The following EFNA5 variants were observed in gnomAD, a reference collection of about 807,000 sequenced individuals.
EFNA5 encodes the protein ephrin A5.
Under a neutral mutation model 22.9 loss-of-function variants are expected in EFNA5, and 5 were observed. The observed-to-expected ratio is 0.22, with a 90% confidence interval of 0.11 to 0.46. The LOEUF (loss-of-function observed/expected upper bound fraction) is 0.46, where lower values mean the gene tolerates loss of function less well. Ranked by LOEUF, EFNA5 falls within the 20% of genes least tolerant of loss-of-function variation. EFNA5 has a pLI of 0.99. For missense variants in EFNA5, 237 were observed against 293.3 expected, an observed-to-expected ratio of 0.81 and a Z score of 1.40; for synonymous variants, 113 against 112.2, an observed-to-expected ratio of 1.01 and a Z score of -0.04.
At chr5:107,501,713 G>A (rs189302182) in intron 1 of EFNA5, among the ~76,000 whole-genome samples, 1 of 152,190 alleles carries the variant, frequency 6.6e-6, no homozygotes, top group African/African-American at 2.4e-5. Flanking sequence ...TTTCTGTTGT[G>A]GTATTTTAAG....
intron 1 of EFNA5, among the ~76,000 whole-genome samples, chr5:107,634,947 A>G (rs567832090): frequency 7.2e-4 from 109 of 152,350 alleles, no homozygotes; most frequent in Admixed American, 1.7e-3. Context: ...AAAGAAACGC[A>G]TTTAACTTAC....
chr5:107,527,238 G>C (rs1415772081), intron 1 of EFNA5, among the ~76,000 whole-genome samples: 1 of 151,530 alleles, frequency 6.6e-6, no homozygotes, highest in Non-Finnish European at 1.5e-5. Flanking sequence ...TGTATAAATG[G>C]GTTATTCAGA....
intron 2 of EFNA5, among the ~76,000 whole-genome samples, chr5:107,390,480 C>T (rs1747760684): frequency 6.6e-6 from 1 of 151,912 alleles, no homozygotes; most frequent in African/African-American, 2.4e-5. Context: ...TGTAACATTC[C>T]CACTAATAAA....
chr5:107,557,394 G>A (rs1234106376), intron 1 of EFNA5, among the ~76,000 whole-genome samples: 1 of 151,826 alleles, frequency 6.6e-6, no homozygotes, highest in African/African-American at 2.4e-5. Flanking sequence ...TGGAGGTCAG[G>A]TGGCAGGCAT....
At chr5:107,630,319 G>C (rs1248845447) in intron 1 of EFNA5, among the ~76,000 whole-genome samples, 1 of 152,180 alleles carries the variant, frequency 6.6e-6, no homozygotes, top group Non-Finnish European at 1.5e-5. Flanking sequence ...TACTTACACA[G>C]ACCTAGATTG....
rs377118779 is a variant in EFNA5, at chr5:107,572,011, T to C, written c.125+98478A>G. 3.3e-5 allele frequency among the ~76,000 whole-genome samples: 5 copies of C among 151,962 alleles called. No homozygotes were observed. In the East Asian group the frequency reaches 7.8e-4, roughly 24 times the overall value. ...CCTACTGTTAACAACAAAAAGAAACTGCAAACAGCAGCGTGGACAGACAGT... is the reference window on the plus strand; with the variant it reads ...CCTACTGTTAACAACAAAAAGAAACCGCAAACAGCAGCGTGGACAGACAGT... On this transcript the variant is annotated intron_variant, in intron 1 of 4. Coordinates refer to ENST00000333274, the MANE Select transcript of EFNA5 (RefSeq NM_001962.3).
intron 1 of EFNA5, among the ~76,000 whole-genome samples, chr5:107,557,441 C>A (rs352605): frequency 6.6e-6 from 1 of 151,992 alleles, no homozygotes; most frequent in South Asian, 2.1e-4. Context: ...GCCTCAGGAA[C>A]CACGCAGCCC....
chr5:107,654,765 T>A (rs1750790846), intron 1 of EFNA5, among the ~76,000 whole-genome samples: 1 of 152,090 alleles, frequency 6.6e-6, no homozygotes, highest in Non-Finnish European at 1.5e-5. Flanking sequence ...GAAATAGAGA[T>A]AATTCAACCC....
intron 1 of EFNA5, among the ~76,000 whole-genome samples, chr5:107,594,952 T>A (rs981184942): frequency 9.2e-5 from 14 of 152,192 alleles, no homozygotes; most frequent in African/African-American, 3.4e-4. Flanking sequence ...TGTGCCACTT[T>A]TTTTTATTAC....
chr5:107,575,685 C>A (rs1748913681), intron 1 of EFNA5, among the ~76,000 whole-genome samples: 1 of 152,072 alleles, frequency 6.6e-6, no homozygotes, highest in Non-Finnish European at 1.5e-5. Flanking sequence ...AGCACATAGT[C>A]CTTACCCTTG....
At chr5:107,497,362 C>T (rs1267826479) in intron 1 of EFNA5, among the ~76,000 whole-genome samples, 2 of 152,130 alleles carry the variant, frequency 1.3e-5, no homozygotes, top group African/African-American at 4.8e-5. Context: ...ACTCCTTTTG[C>T]TAACCACATC....
At chr5:107,569,547 GTATATATATATTTATA>G (rs1456851459) in intron 1 of EFNA5, among the ~76,000 whole-genome samples, 4 of 104,422 alleles carry the variant, frequency 3.8e-5, no homozygotes, top group Admixed American at 1.2e-4. Flanking sequence ...ATATATGTGT[GTATATATATATTTATA>G]TATATATATA....
rs1412316462 is a variant in EFNA5, at chr5:107,380,304, A to G, written c.*951T>C. 1.4e-5 allele frequency: 2 copies of G among 141,324 alleles called. No homozygotes were observed. Among genetic ancestry groups the G allele is most frequent in the Admixed American group, 7.9e-5 (1 of 12,604 alleles). 8.8% of individuals were successfully genotyped at this position (141,324 alleles called of 1,614,324 possible). ...AGTATCCAAAGCTATTCCACTATGC[A>G]CTCATCAACCCTGGCTTGTCAGCCT... On this transcript the variant is annotated 3_prime_UTR_variant, in exon 5 of 5. Coordinates refer to ENST00000333274, the MANE Select transcript of EFNA5 (RefSeq NM_001962.3).
chr5:107,560,229 C>T (rs150694594), intron 1 of EFNA5, among the ~76,000 whole-genome samples: 15 of 152,146 alleles, frequency 9.9e-5, no homozygotes, highest in East Asian at 1.9e-4. Flanking sequence ...AGCCAATATA[C>T]GAAGATTTTC....
chr5:107,485,009 AAG>A (rs1247701330), intron 1 of EFNA5, among the ~76,000 whole-genome samples: 2 of 152,056 alleles, frequency 1.3e-5, no homozygotes, highest in Non-Finnish European at 2.9e-5. Context: ...TAAAAAGAAA[AAG>A]AAAAAAAGGT....
intron 1 of EFNA5, among the ~76,000 whole-genome samples, chr5:107,648,237 T>C (rs1750664677): frequency 6.6e-6 from 1 of 152,088 alleles, no homozygotes; most frequent in South Asian, 2.1e-4. Context: ...ATGACATTAT[T>C]TATATATTTT....
At chr5:107,662,780 C>A (rs2112561924) in intron 1 of EFNA5, among the ~76,000 whole-genome samples, 1 of 101,798 alleles carries the variant, frequency 9.8e-6, no homozygotes. Context: ...TCCGGGTAGA[C>A]TTGAGTAATT....
chr5:107,488,676 A>G (rs868706468), intron 1 of EFNA5, among the ~76,000 whole-genome samples: 1 of 151,988 alleles, frequency 6.6e-6, no homozygotes, highest in African/African-American at 2.4e-5. Flanking sequence ...AAGAAACATT[A>G]AGACCGAAAA....
chr5:107,525,891 T>C (rs763110148), intron 1 of EFNA5, among the ~76,000 whole-genome samples: 8 of 152,228 alleles, frequency 5.3e-5, no homozygotes, highest in Non-Finnish European at 1.0e-4. Flanking sequence ...GTGTCAATTT[T>C]ACTTAAATTT....
Sources: allele counts gnomAD v4.1 joint callset (sites outside exome capture counted in the v4.1 genomes callset), GRCh38; gene constraint gnomAD v4.1.1; transcripts MANE v1.5; gene names NCBI Gene and HGNC (gene_info 2026-07-23, HGNC 2026-07-21).